FARS2: variants seen among roughly 807,000 people sequenced by gnomAD.
FARS2 encodes the protein phenylalanyl-tRNA synthetase 2, mitochondrial.
FARS2 carries 40 observed loss-of-function variants against 46.4 expected under a neutral mutation model. The observed-to-expected ratio is 0.86, with a 90% CI of 0.67 to 1.12. The LOEUF (loss-of-function observed/expected upper bound fraction) is 1.12. Ranked by LOEUF, FARS2 falls within the 50% of genes most tolerant of loss-of-function variation. The probability of loss-of-function intolerance (pLI) is 0.00; values close to 1 mark genes in which losing one functional copy is unlikely to be tolerated. For synonymous variants in FARS2, 234 were observed against 214.9 expected (o/e 1.09, Z -0.78); for missense variants, 513 against 567.9 (o/e 0.90, Z 0.98).
upstream of FARS2, among the ~76,000 whole-genome samples, chr6:5,256,351 G>C (rs771156234): frequency 6.6e-6 from 1 of 151,674 alleles, no homozygotes; most frequent in South Asian, 2.1e-4. Flanking sequence ...TTAGCCAGGC[G>C]TAGTGGCAGG....
chr6:5,765,468 G>A lies in FARS2; in HGVS notation c.1218-5823G>A, dbSNP rs184626503. 2.4e-4 allele frequency among the ~76,000 whole-genome samples: 36 copies of A among 152,330 alleles called. No homozygotes were observed. The highest frequency in any genetic ancestry group is 7.2e-4 in the African/African-American group (30 of 41,574). On this transcript the variant is annotated intron_variant, in intron 6 of 6. Coordinates refer to ENST00000274680, the MANE Select transcript of FARS2 (RefSeq NM_006567.5). The surrounding 1 kb of genome is among the most constrained non-coding windows in gnomAD (Gnocchi z 4.0). ...TCATCACCTGCCAATGGCAGGGAGC[G>A]TGGGCTGTCTTATATTCTGTTTGCC...
chr6:5,465,764 A>C (rs566385365), intron 4 of FARS2, among the ~76,000 whole-genome samples: 1 of 152,080 alleles, frequency 6.6e-6, no homozygotes, highest in East Asian at 1.9e-4. Context: ...TTAAAAGTCC[A>C]TTCATTGGAA....
At chr6:5,294,799 C>T (rs1767743594) in intron 1 of FARS2, among the ~76,000 whole-genome samples, 1 of 152,116 alleles carries the variant, frequency 6.6e-6, no homozygotes, top group African/African-American at 2.4e-5. Flanking sequence ...CAGGGACCTT[C>T]GTGTGTTCAG....
intron 5 of FARS2, among the ~76,000 whole-genome samples, chr6:5,558,628 G>A (rs1186147878): frequency 3.3e-5 from 5 of 151,752 alleles, no homozygotes; most frequent in East Asian, 3.9e-4. Context: ...ACTCTGCCTC[G>A]CGGGTTCATG....
At position 5,401,632 on chromosome 6, in the gene FARS2, A is replaced by G. The variant is rs142082898; in HGVS notation, c.613-2910A>G. 4.0e-3 allele frequency among the ~76,000 whole-genome samples: 602 copies of G among 150,852 alleles called. 2 individuals carry two copies. Among genetic ancestry groups the G allele is most frequent in the African/African-American group, 0.014 (583 of 40,652 alleles). Reference sequence around the variant, plus strand: ...ACTTGAACAAGGCTCATGCTTTGGTAAATTCTTCAGAAAGAGCTCATTAAT... The same window carrying G: ...ACTTGAACAAGGCTCATGCTTTGGTGAATTCTTCAGAAAGAGCTCATTAAT... On this transcript the variant is annotated intron_variant, in intron 2 of 6. Coordinates refer to ENST00000274680, the MANE Select transcript of FARS2 (RefSeq NM_006567.5).
At chr6:5,401,687 C>T (rs1349202270) in intron 2 of FARS2, among the ~76,000 whole-genome samples, 1 of 152,098 alleles carries the variant, frequency 6.6e-6, no homozygotes. Context: ...GTGTGTTTCA[C>T]GTTTTTTCTG....
rs940575378 is a variant in FARS2 at position 5,434,643 on chromosome 6, G to GT, written c.904+3477dup. Among the ~76,000 whole-genome samples the GT allele has an allele frequency of 7.9e-5, 12 of 152,256 alleles. No individual in the cohort carries two copies. In the South Asian group the frequency reaches 2.1e-3, roughly 26 times the overall value. On this transcript the variant is annotated intron_variant, in intron 4 of 6. Transcript: ENST00000274680. ...ATTTGTAAGTGCAGCTAAATTTTCTGTTTTTTGAGTTCTTATGGCGTGGAG... is the reference window on the plus strand; with the variant it reads ...ATTTGTAAGTGCAGCTAAATTTTCTGTTTTTTTGAGTTCTTATGGCGTGGAG...
chr6:5,253,234 C>T, the FARS2 span, among the ~76,000 whole-genome samples: 1 of 152,188 alleles, frequency 6.6e-6, no homozygotes, highest in East Asian at 1.9e-4. Flanking sequence ...TCAAGTTTTA[C>T]AATAACATAT....
intron 5 of FARS2, chr6:5,609,545 G>C: frequency 7.8e-7 from 1 of 1,282,578 alleles, no homozygotes; most frequent in Non-Finnish European, 1.1e-6. Context: ...CATGACCAAA[G>C]TTGTCATTCC....
At chr6:5,726,473 A>G (rs1201046393) in intron 6 of FARS2, among the ~76,000 whole-genome samples, 1 of 152,238 alleles carries the variant, frequency 6.6e-6, no homozygotes, top group East Asian at 1.9e-4. Flanking sequence ...CGATGTAAAA[A>G]CATGGTTGCA....
At position 5,613,579 on chromosome 6, in the gene FARS2, C is replaced by CA; in HGVS notation, c.1217+260dup. On this transcript the variant is annotated intron_variant, in intron 6 of 6. Coordinates refer to ENST00000274680, the MANE Select transcript of FARS2 (RefSeq NM_006567.5). ...ATCTTTTAAAAGTCCTGCAGCTTTT[C>CA]AGTATTGTTTTTGGAAGTGACTTCT... Among the ~76,000 whole-genome samples the CA allele has an allele frequency of 1.3e-5, 2 of 152,282 alleles. 1 individual carries two copies. The highest frequency in any genetic ancestry group is 6.8e-3 in the Middle Eastern group (2 of 294).
At chr6:5,668,460 A>C (rs909071270) in intron 6 of FARS2, among the ~76,000 whole-genome samples, 13 of 152,344 alleles carry the variant, frequency 8.5e-5, no homozygotes, top group African/African-American at 2.9e-4. Flanking sequence ...CTGGTCAAAT[A>C]GCCAGAGAAA....
intron 3 of FARS2, among the ~76,000 whole-genome samples, chr6:5,425,325 A>G (rs1762787335): frequency 6.6e-6 from 1 of 152,194 alleles, no homozygotes; most frequent in Admixed American, 6.5e-5. Flanking sequence ...TTTAAATACA[A>G]ACGGTATGGG....
chr6:5,627,909 G>A (rs1172641840), intron 6 of FARS2, among the ~76,000 whole-genome samples: 1 of 151,762 alleles, frequency 6.6e-6, no homozygotes, highest in African/African-American at 2.4e-5. Flanking sequence ...GGGAGAAACT[G>A]ACTAGGGTGG....
intron 4 of FARS2, among the ~76,000 whole-genome samples, chr6:5,531,088 A>C (rs1440573205): frequency 6.6e-6 from 1 of 152,086 alleles, no homozygotes. Flanking sequence ...AGAAAGAAGG[A>C]AGTAGTTCAG....
At chr6:5,539,981 G>A (rs1770518634) in intron 4 of FARS2, among the ~76,000 whole-genome samples, 1 of 152,270 alleles carries the variant, frequency 6.6e-6, no homozygotes, top group South Asian at 2.1e-4. Flanking sequence ...CCTTTACTCT[G>A]AGACATATTA....
chr6:5,667,503 G>A (rs1314456374), intron 6 of FARS2, among the ~76,000 whole-genome samples: 1 of 146,328 alleles, frequency 6.8e-6, no homozygotes, highest in Admixed American at 6.8e-5. Context: ...GGGCAACACA[G>A]CAAGACACCG....
At chr6:5,676,806 G>A (rs1561793661) in intron 6 of FARS2, among the ~76,000 whole-genome samples, 1 of 152,162 alleles carries the variant, frequency 6.6e-6, no homozygotes, top group East Asian at 1.9e-4. Flanking sequence ...TTATGACTGC[G>A]AGATTCCCTC....
chr6:5,368,994 G>A lies in FARS2; in HGVS notation c.424G>A (p.Asp142Asn), dbSNP rs145555213. 11 of 1,614,168 alleles carry A rather than the reference G, an allele frequency of 6.8e-6. No homozygotes were observed. Among genetic ancestry groups the A allele is most frequent in the Non-Finnish European group, 9.3e-6 (11 of 1,180,018 alleles). Residue 142 changes from aspartate (D) to asparagine (N), a missense_variant, in exon 2 of 7, where the codon GAC (aspartate) becomes AAC (asparagine). Physicochemically the swap from Asp to Asn is conservative, Grantham distance 23. Transcript: ENST00000274680. ...PADHPSRKKG[D>N]NYYLNRTHML... Reference sequence around the variant, plus strand: ...TGATCACCCCAGCAGGAAGAAGGGGGACAACTATTACCTGAATCGGACTCA... The same window carrying A: ...TGATCACCCCAGCAGGAAGAAGGGGAACAACTATTACCTGAATCGGACTCA...
Sources: gnomAD v4.1 joint callset for allele counts (sites outside exome capture counted in the v4.1 genomes callset) on GRCh38, gnomAD v4.1.1 for gene constraint, Gnocchi (gnomAD v3.1) non-coding constraint, MANE v1.5 for transcripts, NCBI Gene and HGNC (gene_info 2026-07-23, HGNC 2026-07-21) for gene names.